Variants in KIF26B observed in about 807,000 individuals in gnomAD.
The protein encoded by KIF26B is kinesin family member 26B.
Under a neutral mutation model 151.2 loss-of-function variants are expected in KIF26B, and 63 were observed. The observed-to-expected ratio is 0.42, with a 90% confidence interval of 0.34 to 0.51. The LOEUF (loss-of-function observed/expected upper bound fraction) is 0.51, where lower values mean the gene tolerates loss of function less well. Ranked by LOEUF, KIF26B falls within the 20% of genes least tolerant of loss-of-function variation. The pLI is 0.07. For missense variants in KIF26B, 2,813 were observed against 2,913.6 expected (o/e 0.97, Z 0.79); for synonymous variants, 1,357 against 1,262.1 (o/e 1.08, Z -1.59).
At chr1:245,386,695 C>T (rs1179064322) in intron 3 of KIF26B, among the ~76,000 whole-genome samples, 2 of 152,216 alleles carry the variant, frequency 1.3e-5, no homozygotes, top group Non-Finnish European at 2.9e-5. Flanking sequence ...TTACAGCTCT[C>T]CATCGATAAG....
intron 10 of KIF26B, among the ~76,000 whole-genome samples, chr1:245,674,956 G>A (rs577615386): frequency 6.6e-5 from 10 of 152,280 alleles, no homozygotes; most frequent in East Asian, 5.8e-4. Context: ...CCACTGTCAC[G>A]TGTGACAACT....
chr1:245,621,757 G>A (rs2043663981), intron 9 of KIF26B, among the ~76,000 whole-genome samples: 1 of 152,234 alleles, frequency 6.6e-6, no homozygotes, highest in African/African-American at 2.4e-5. Context: ...GGCCTGTGCT[G>A]ACTCACCTTG....
At chr1:245,327,335 G>C (rs1189654278) in intron 2 of KIF26B, among the ~76,000 whole-genome samples, 3 of 152,208 alleles carry the variant, frequency 2.0e-5, no homozygotes, top group African/African-American at 4.8e-5. Flanking sequence ...CCCTGATGTA[G>C]TGGTCTCATT....
At chr1:245,658,026 G>A (rs2044092654) in intron 10 of KIF26B, among the ~76,000 whole-genome samples, 1 of 152,136 alleles carries the variant, frequency 6.6e-6, no homozygotes, top group Non-Finnish European at 1.5e-5. Context: ...TGAATTTTCT[G>A]GTTTTGATCC....
At chr1:245,162,315 C>T (rs182790019) in intron 2 of KIF26B, among the ~76,000 whole-genome samples, 1 of 151,276 alleles carries the variant, frequency 6.6e-6, no homozygotes, top group East Asian at 1.9e-4. Flanking sequence ...CGAAGGAGCA[C>T]TGTTGAGAAT....
chr1:245,222,731 A>G (rs144823060), intron 2 of KIF26B, among the ~76,000 whole-genome samples: 13 of 152,342 alleles, frequency 8.5e-5, no homozygotes, highest in African/African-American at 3.1e-4. Context: ...TTTTTCACAC[A>G]AAATTTTCAA....
rs1224731909 is a variant in KIF26B at position 245,704,837 on chromosome 1, C to G, written c.*2231C>G. 6.6e-6 allele frequency: 1 copy of G among 150,528 alleles called. No individual in the cohort carries two copies. Among genetic ancestry groups the G allele is most frequent in the Non-Finnish European group, 1.5e-5 (1 of 67,852 alleles). 9.3% of individuals were successfully genotyped at this position (150,528 alleles called of 1,614,324 possible). ...GAGTTTGCCATTGGGCTGCTGGTTG[C>G]TGGTTTCAAACATATAGTTCATGAA... On this transcript the variant is annotated 3_prime_UTR_variant, in exon 15 of 15. Transcript: ENST00000407071.
intron 2 of KIF26B, among the ~76,000 whole-genome samples, chr1:245,333,165 G>A (rs906269286): frequency 2.0e-5 from 3 of 152,138 alleles, no homozygotes; most frequent in Admixed American, 6.5e-5. Flanking sequence ...CATTAGCCAC[G>A]ATTAGCCAAA....
intron 2 of KIF26B, among the ~76,000 whole-genome samples, chr1:245,176,868 C>T (rs1441765238): frequency 1.3e-5 from 2 of 152,188 alleles, no homozygotes; most frequent in South Asian, 2.1e-4. Flanking sequence ...TAGTTTACAG[C>T]GGGCTTACTG....
chr1:245,292,697 C>T (rs1272265548), intron 2 of KIF26B, among the ~76,000 whole-genome samples: 1 of 152,222 alleles, frequency 6.6e-6, no homozygotes. Flanking sequence ...CTTCAGGCAG[C>T]ATTTCTCTAA....
intron 4 of KIF26B, among the ~76,000 whole-genome samples, chr1:245,470,031 G>A (rs924074501): frequency 6.6e-6 from 1 of 152,060 alleles, no homozygotes; most frequent in East Asian, 1.9e-4. Flanking sequence ...GGGGTTTGAC[G>A]TAGGCCTTGA....
intron 3 of KIF26B, among the ~76,000 whole-genome samples, chr1:245,410,961 CAT>C (rs1674267156): frequency 1.3e-5 from 2 of 152,172 alleles, no homozygotes; most frequent in African/African-American, 4.8e-5. Flanking sequence ...TAGGTGGAAT[CAT>C]ACAATATTTG....
chr1:245,329,179 C>T (rs1672052658), intron 2 of KIF26B, among the ~76,000 whole-genome samples: 1 of 152,124 alleles, frequency 6.6e-6, no homozygotes, highest in Non-Finnish European at 1.5e-5. Flanking sequence ...GACCCTAGTC[C>T]CTAGAGACTA....
At chr1:245,575,439 T>C (rs1026198941) in intron 5 of KIF26B, among the ~76,000 whole-genome samples, 2 of 151,810 alleles carry the variant, frequency 1.3e-5, no homozygotes, top group African/African-American at 4.8e-5. Context: ...CGTGCCACTA[T>C]ACTCCAGCCT....
At chr1:245,491,448 T>C (rs1040727919) in intron 4 of KIF26B, among the ~76,000 whole-genome samples, 1 of 152,222 alleles carries the variant, frequency 6.6e-6, no homozygotes, top group Non-Finnish European at 1.5e-5. Flanking sequence ...ACAGGTGGCC[T>C]AAAATTCCTG....
At chr1:245,462,300 CAG>C (rs2103058217) in intron 4 of KIF26B, among the ~76,000 whole-genome samples, 1 of 152,202 alleles carries the variant, frequency 6.6e-6, no homozygotes, top group African/African-American at 2.4e-5. Context: ...ATCCGAATCA[CAG>C]GGGATGGCTT....
chr1:245,474,560 C>T (rs1204921349), intron 4 of KIF26B, among the ~76,000 whole-genome samples: 1 of 150,876 alleles, frequency 6.6e-6, no homozygotes, highest in Non-Finnish European at 1.5e-5. Context: ...TACAGGCATG[C>T]GCCATCATGC....
intron 9 of KIF26B, among the ~76,000 whole-genome samples, chr1:245,612,339 C>G (rs1345346907): frequency 6.6e-6 from 1 of 152,008 alleles, no homozygotes; most frequent in Non-Finnish European, 1.5e-5. Flanking sequence ...TCTAGAACTC[C>G]CGGTCTTGAG....
At chr1:245,424,732 A>G (rs1180038294) in intron 4 of KIF26B, among the ~76,000 whole-genome samples, 1 of 151,778 alleles carries the variant, frequency 6.6e-6, no homozygotes, top group Admixed American at 6.6e-5. Context: ...TCTAAGAATA[A>G]AAAATCGGGG....
Sources: gnomAD v4.1 joint callset for allele counts (sites outside exome capture counted in the v4.1 genomes callset) on GRCh38, gnomAD v4.1.1 for gene constraint, MANE v1.5 for transcripts, NCBI Gene and HGNC (gene_info 2026-07-23, HGNC 2026-07-21) for gene names.